The following KLHL8 variants were observed in gnomAD, a reference collection of about 807,000 sequenced individuals.
KLHL8 encodes kelch-like protein 8.
In KLHL8, 38 loss-of-function variants were observed where a neutral mutation model predicts 63.5. The ratio of observed to expected loss-of-function variants is 0.60; its 90% CI spans 0.46 to 0.78. The LOEUF (loss-of-function observed/expected upper bound fraction) is 0.78. Among genes scored for constraint, KLHL8 ranks in the 30% least tolerant of loss-of-function variants. The pLI, the probability that KLHL8 is intolerant of heterozygous loss-of-function variation, is 0.00. For missense variants in KLHL8, 566 were observed against 752.4 expected (o/e 0.75, Z 2.90); for synonymous variants, 224 against 254.3 (o/e 0.88, Z 1.13).
Position 87,185,609 on chromosome 4 carries a change from T to C in KLHL8, c.407A>G (p.Asn136Ser), listed in dbSNP as rs1316163754. 1.2e-6 allele frequency: 2 copies of C among 1,614,094 alleles called. No homozygotes were observed. The highest frequency in any genetic ancestry group is 1.7e-6 in the Non-Finnish European group (2 of 1,180,030). ...YSSRLTLTVD[N>S]VQPLLYAACI... ...GGCTGCATATAAGAGAGGCTGGACA[T>C]TGTCAACAGTCAAAGTGAGCCGTGA... Residue 136 changes from asparagine (N) to serine (S), a missense_variant, in exon 3 of 10, where the codon AAT (asparagine) becomes AGT (serine). Transcript: ENST00000273963.
chr4:87,229,154 T>C lies in KLHL8; in HGVS notation n.58-7764A>G, dbSNP rs528574041. Among the ~76,000 whole-genome samples the C allele has an allele frequency of 2.0e-5, 3 of 152,338 alleles. No individual in the cohort carries two copies. In the East Asian group the frequency reaches 5.8e-4, roughly 29 times the overall value. ...AGCCTATTTGGAAGGTTTCAGTTGC[T>C]CCTTTTATCATCGGCTAAGACTTGA... On this transcript the variant is annotated intron_variant and non_coding_transcript_variant, in intron 1 of 1. Coordinates refer to the KLHL8 transcript ENST00000506274.
chr4:87,220,159 T>C (rs1288939402), intron 1 of KLHL8: 1 of 152,354 alleles, frequency 6.6e-6, no homozygotes, highest in Admixed American at 6.6e-5. Context: ...CTCCCGCCAA[T>C]GGGGGCGACA....
chr4:87,233,744 GGTT>G (rs1158638003), intron 1 of KLHL8, among the ~76,000 whole-genome samples: 1 of 151,864 alleles, frequency 6.6e-6, no homozygotes, highest in Non-Finnish European at 1.5e-5. Context: ...GGTCTGCCTA[GGTT>G]TTTTATAAAA....
intron 1 of KLHL8, among the ~76,000 whole-genome samples, chr4:87,206,825 T>C (rs1463498512): frequency 9.2e-5 from 14 of 152,236 alleles, no homozygotes; most frequent in Admixed American, 9.2e-4. Context: ...GTACGCTGTA[T>C]TTCTCCAACT....
rs550959832 is a variant in KLHL8, at chr4:87,185,509, G to A, written c.507C>T (p.Cys169=). ...TTTCTGCAAAGGCTCTTACTGCCAGGCAATTGGAGGGATGAAAATGTAACT... is the reference window on the plus strand; with the variant it reads ...TTTCTGCAAAGGCTCTTACTGCCAGACAATTGGAGGGATGAAAATGTAACT... ...YMKLHFHPSN[C]LAVRAFAESH... Residue 169 remains cysteine (C), a synonymous_variant, in exon 3 of 10, where the codon TGC becomes TGT. Transcript: ENST00000273963. 2 of 1,614,158 alleles carry A rather than the reference G, an allele frequency of 1.2e-6. No individual in the cohort carries two copies. Among genetic ancestry groups the A allele is most frequent in the South Asian group, 2.2e-5 (2 of 91,082 alleles).
intron 1 of KLHL8, among the ~76,000 whole-genome samples, chr4:87,226,470 A>G (rs1560723075): frequency 2.0e-5 from 3 of 148,890 alleles, no homozygotes; most frequent in Admixed American, 1.4e-4. Flanking sequence ...GCTGAGGCAG[A>G]AGAGTTGCGT....
At chr4:87,206,585 C>T (rs957011092) in intron 1 of KLHL8, among the ~76,000 whole-genome samples, 1 of 152,186 alleles carries the variant, frequency 6.6e-6, no homozygotes, top group Admixed American at 6.5e-5. Flanking sequence ...CAAGGCCACA[C>T]AGTTCTGTAG....
chr4:87,194,335 T>C (rs1025588378), intron 2 of KLHL8, among the ~76,000 whole-genome samples: 2 of 152,198 alleles, frequency 1.3e-5, no homozygotes, highest in Non-Finnish European at 2.9e-5. Context: ...CCAAACTTGC[T>C]GGTACCTTGA....
At chr4:87,203,459 G>A (rs1031789174) in intron 1 of KLHL8, among the ~76,000 whole-genome samples, 2 of 151,656 alleles carry the variant, frequency 1.3e-5, no homozygotes, top group East Asian at 1.9e-4. Flanking sequence ...GAACCTGGGA[G>A]GCGGAGCTTG....
chr4:87,202,516 C>T (rs921232978), intron 1 of KLHL8, among the ~76,000 whole-genome samples: 15 of 152,092 alleles, frequency 9.9e-5, no homozygotes, highest in Non-Finnish European at 7.4e-5. Context: ...TCATTGCAAA[C>T]CCCACTGGCA....
chr4:87,215,795 TTATAA>T (rs1410296338), intron 1 of KLHL8, among the ~76,000 whole-genome samples: 3 of 152,182 alleles, frequency 2.0e-5, no homozygotes, highest in African/African-American at 7.2e-5. Flanking sequence ...AAATCACAAA[TTATAA>T]TATAATCTAC....
rs181225292 is a variant in KLHL8 at position 87,234,215 on chromosome 4, G to A, written n.57+6043C>T. ...AGCACTTTGGGAGGCCAAGGTGGGC[G>A]GATCACAAGGTCAAGAGATTGAGAC... On this transcript the variant is annotated intron_variant and non_coding_transcript_variant, in intron 1 of 1. Coordinates refer to the KLHL8 transcript ENST00000506274. Among the ~76,000 whole-genome samples the A allele has an allele frequency of 6.6e-5, 10 of 152,238 alleles. No homozygotes were observed. The East Asian group carries it at 1.2e-3, about 18-fold the overall frequency.
At chr4:87,205,562 A>G (rs1447079135) in intron 1 of KLHL8, among the ~76,000 whole-genome samples, 1 of 152,076 alleles carries the variant, frequency 6.6e-6, no homozygotes, top group Non-Finnish European at 1.5e-5. Flanking sequence ...TTTGCCCTTT[A>G]TCCTTCCGCC....
intron 1 of KLHL8, among the ~76,000 whole-genome samples, chr4:87,209,600 C>A (rs62308864): frequency 0.16 from 24,316 of 152,162 alleles, 2,296 homozygotes; most frequent in South Asian, 0.24. Context: ...CTTAAAGATA[C>A]TATTGTGCTA....
rs1177658863 is a variant in KLHL8 at position 87,160,298 on chromosome 4, T to C, written c.*3221A>G. On this transcript the variant is annotated 3_prime_UTR_variant, in exon 10 of 10. Transcript: ENST00000273963. ...TTTTACTGACACTTGGAATTTTACA[T>C]GAAGGGGAAAGAGACATAGCCAATG... 1 of 152,172 alleles carries C rather than the reference T, an allele frequency of 6.6e-6. No homozygotes were observed. The highest frequency in any genetic ancestry group is 1.5e-5 in the Non-Finnish European group (1 of 68,018). The allele number at this position is 152,172 out of a possible 1,614,324, so 9.4% of individuals were successfully genotyped here.
At chr4:87,201,319 C>T (rs1453496481) in intron 1 of KLHL8, among the ~76,000 whole-genome samples, 3 of 152,082 alleles carry the variant, frequency 2.0e-5, no homozygotes, top group African/African-American at 7.2e-5. Flanking sequence ...GTGTCAATTC[C>T]CAAAGACATA....
chr4:87,200,382 T>G (rs1578388619), intron 1 of KLHL8, among the ~76,000 whole-genome samples: 1 of 152,318 alleles, frequency 6.6e-6, no homozygotes, highest in South Asian at 2.1e-4. Context: ...TTTTAAATTA[T>G]CTCTAGATTA....
intron 1 of KLHL8, among the ~76,000 whole-genome samples, chr4:87,197,503 A>G (rs1450475326): frequency 6.6e-6 from 1 of 152,228 alleles, no homozygotes; most frequent in Non-Finnish European, 1.5e-5. Flanking sequence ...GAGCCTCTAC[A>G]TAATACAGCC....
chr4:87,193,163 T>C (rs929674783), intron 2 of KLHL8, among the ~76,000 whole-genome samples: 5 of 152,256 alleles, frequency 3.3e-5, no homozygotes, highest in Non-Finnish European at 7.3e-5. Context: ...TTGACTCTTG[T>C]AATAACACTT....
Sources: allele counts gnomAD v4.1 joint callset (sites outside exome capture counted in the v4.1 genomes callset), GRCh38; gene constraint gnomAD v4.1.1; transcripts MANE v1.5; gene names NCBI Gene and HGNC (gene_info 2026-07-23, HGNC 2026-07-21).